The following ANO4 variants were observed in gnomAD, a reference collection of about 807,000 sequenced individuals.
The protein encoded by ANO4 is anoctamin 4.
ANO4 carries 69 observed loss-of-function variants against 141.9 expected under a neutral mutation model. That is an observed-to-expected ratio of 0.49 (90% CI 0.40 to 0.59). The LOEUF (loss-of-function observed/expected upper bound fraction) is 0.59. Among genes scored for constraint, ANO4 ranks in the 20% least tolerant of loss-of-function variants. The probability of loss-of-function intolerance (pLI) is 0.00; values close to 1 mark genes in which losing one functional copy is unlikely to be tolerated. For missense variants in ANO4, 894 were observed against 1,162.2 expected, an observed-to-expected ratio of 0.77 and a Z score of 3.36; for synonymous variants, 350 against 394.3, an observed-to-expected ratio of 0.89 and a Z score of 1.33.
rs1555292310 is a variant in ANO4, at chr12:101,064,660, T to TGTTATA, written c.1313-14533_1313-14532insGTTATA. Among the ~76,000 whole-genome samples, 13 of 122,382 alleles carry TGTTATA rather than the reference T, an allele frequency of 1.1e-4. 1 individual carries two copies. The South Asian group carries it at 2.9e-3, about 28-fold the overall frequency. The allele number at this position is 122,382 out of a possible 152,430, so 80.3% of individuals were successfully genotyped here. On this transcript the variant is annotated intron_variant, in intron 14 of 27. Transcript: ENST00000392977. ...TGCACATGTATCCCAGAACTTAAAG[T>TGTTATA]ATTATAATAATAATAATAATAATAA...
At position 100,964,212 on chromosome 12, in the gene ANO4, A is replaced by G. The variant is rs1252243551; in HGVS notation, c.457-7094A>G. Among the ~76,000 whole-genome samples the G allele has an allele frequency of 3.3e-5, 5 of 152,186 alleles. No individual in the cohort carries two copies. The East Asian group carries it at 7.7e-4, about 23-fold the overall frequency. Reference sequence around the variant, plus strand: ...AGCCTCTCAGCTTTCTTCTTGTGAAACAGCAGTTCTGAAGCCAGACTGCAT... The same window carrying G: ...AGCCTCTCAGCTTTCTTCTTGTGAAGCAGCAGTTCTGAAGCCAGACTGCAT... On this transcript the variant is annotated intron_variant, in intron 5 of 27. Coordinates refer to ENST00000392977, the MANE Select transcript of ANO4 (RefSeq NM_001286615.2).
At chr12:101,036,666 T>C (rs2047208889) in intron 9 of ANO4, among the ~76,000 whole-genome samples, 1 of 151,524 alleles carries the variant, frequency 6.6e-6, no homozygotes. Flanking sequence ...AAACAGAGAG[T>C]AGAATAGTGG....
At chr12:100,750,395 C>T (rs537382511) in intron 3 of ANO4, among the ~76,000 whole-genome samples, 10 of 151,604 alleles carry the variant, frequency 6.6e-5, no homozygotes, top group Middle Eastern at 3.4e-3. Context: ...CCACCTGCCT[C>T]GGCTTCTCAA....
intron 2 of ANO4, among the ~76,000 whole-genome samples, chr12:100,903,387 C>A (rs1203933884): frequency 6.6e-6 from 1 of 152,188 alleles, no homozygotes; most frequent in Admixed American, 6.5e-5. Context: ...CGTACCAAAT[C>A]CAGAATGATT....
intron 18 of ANO4, among the ~76,000 whole-genome samples, chr12:101,095,720 T>C (rs9651924): frequency 0.23 from 35,461 of 152,132 alleles, 4,273 homozygotes; most frequent in Admixed American, 0.3. Flanking sequence ...GCAGACAAAA[T>C]GCTACTGTAT....
At chr12:100,961,939 T>G (rs1445471881) in intron 5 of ANO4, among the ~76,000 whole-genome samples, 2 of 152,214 alleles carry the variant, frequency 1.3e-5, no homozygotes, top group Non-Finnish European at 2.9e-5. Flanking sequence ...GATACCCTGA[T>G]GAAGTAAGTC....
intron 3 of ANO4, among the ~76,000 whole-genome samples, chr12:100,778,029 C>T (rs966307625): frequency 6.6e-6 from 1 of 151,550 alleles, no homozygotes; most frequent in East Asian, 1.9e-4. Context: ...ACACCATTCT[C>T]CTGCCTCAGC....
intron 2 of ANO4, among the ~76,000 whole-genome samples, chr12:100,914,917 T>C (rs1276923160): frequency 3.3e-5 from 5 of 152,180 alleles, no homozygotes; most frequent in Non-Finnish European, 5.9e-5. Flanking sequence ...TGGGCTCAAG[T>C]GATCCTTCCG....
chr12:101,025,653 GA>G (rs1004772835), intron 9 of ANO4, among the ~76,000 whole-genome samples: 15 of 152,306 alleles, frequency 9.8e-5, no homozygotes, highest in African/African-American at 3.6e-4. Flanking sequence ...AGAATACTCA[GA>G]AAAGTCTTTC....
At chr12:100,840,463 G>A (rs910432280) in intron 1 of ANO4, among the ~76,000 whole-genome samples, 2 of 152,140 alleles carry the variant, frequency 1.3e-5, no homozygotes, top group African/African-American at 4.8e-5. Context: ...GGGAAACTGA[G>A]ACACAGAGAG....
chr12:101,020,750 A>G (rs578255937), intron 9 of ANO4, among the ~76,000 whole-genome samples: 3 of 150,504 alleles, frequency 2.0e-5, no homozygotes, highest in Admixed American at 6.6e-5. Context: ...CCTCTACCAT[A>G]TATATTTTAG....
At chr12:100,954,793 A>G (rs2043117022) in intron 5 of ANO4, among the ~76,000 whole-genome samples, 1 of 152,178 alleles carries the variant, frequency 6.6e-6, no homozygotes, top group African/African-American at 2.4e-5. Context: ...ACCCAGTCAG[A>G]GTTCCTCCCA....
At chr12:100,770,527 G>A (rs1206204756) in intron 3 of ANO4, among the ~76,000 whole-genome samples, 2 of 152,296 alleles carry the variant, frequency 1.3e-5, no homozygotes, top group Admixed American at 6.5e-5. Context: ...ATGGGAAAAG[G>A]TTATAGAAAC....
chr12:100,732,171 C>T (rs1214145691), intron 1 of ANO4, among the ~76,000 whole-genome samples: 1 of 152,184 alleles, frequency 6.6e-6, no homozygotes, highest in African/African-American at 2.4e-5. Flanking sequence ...TTGCCAAACT[C>T]TCTTCTAGAA....
intron 3 of ANO4, among the ~76,000 whole-genome samples, chr12:100,923,020 C>T (rs1235748533): frequency 6.6e-6 from 1 of 152,090 alleles, no homozygotes; most frequent in Non-Finnish European, 1.5e-5. Context: ...TGAAGCTCCT[C>T]TTAATATCGA....
chr12:101,090,667 C>A (rs950242894), intron 17 of ANO4, among the ~76,000 whole-genome samples: 1 of 151,980 alleles, frequency 6.6e-6, no homozygotes, highest in Non-Finnish European at 1.5e-5. Flanking sequence ...TTAACGGGTG[C>A]AGCACACCAA....
Position 100,811,240 on chromosome 12 carries a change from A to G in ANO4, c.-141+16213A>G, listed in dbSNP as rs866026491. On this transcript the variant is annotated intron_variant, in intron 1 of 27. Coordinates refer to ENST00000392977, the MANE Select transcript of ANO4 (RefSeq NM_001286615.2). ...CTGAAAATTATAAATTACCTCACAT[A>G]TCCAATTGCTTTTAGCTAAAATCAA... Among the ~76,000 whole-genome samples, 6 of 152,164 alleles carry G rather than the reference A, an allele frequency of 3.9e-5. No homozygotes were observed. The South Asian group carries it at 1.0e-3, about 26-fold the overall frequency.
At chr12:100,745,948 A>G (rs142272766) in intron 3 of ANO4, among the ~76,000 whole-genome samples, 1 of 152,364 alleles carries the variant, frequency 6.6e-6, no homozygotes, top group African/African-American at 2.4e-5. Context: ...CAAATTGTGG[A>G]TAGACTTTCA....
In ANO4 at chr12:101,053,595, C is replaced by G. The variant is rs149231039; in HGVS notation, c.1312+5194C>G. Among the ~76,000 whole-genome samples, 565 of 152,282 alleles carry G rather than the reference C, an allele frequency of 3.7e-3. 1 individual carries two copies. The highest frequency in any genetic ancestry group is 0.02 in the Middle Eastern group (6 of 294). On this transcript the variant is annotated intron_variant, in intron 14 of 27. Transcript: ENST00000392977. ...AGATGCATCACTCCTATCTCTGCCT[C>G]TGTCTTCACCTGGCATTTGCCCCGT...
Sources: allele counts gnomAD v4.1 joint callset (sites outside exome capture counted in the v4.1 genomes callset), GRCh38; gene constraint gnomAD v4.1.1; transcripts MANE v1.5; gene names NCBI Gene and HGNC (gene_info 2026-07-23, HGNC 2026-07-21).